ZNF532: variants seen among roughly 807,000 people sequenced by gnomAD.
The protein encoded by ZNF532 is zinc finger protein 532.
Under a neutral mutation model 89.3 loss-of-function variants are expected in ZNF532, and 22 were observed. The ratio of observed to expected loss-of-function variants is 0.25; its 90% CI spans 0.18 to 0.35. The LOEUF is 0.35. Ranked by LOEUF, ZNF532 falls within the 10% of genes least tolerant of loss-of-function variation. The probability of loss-of-function intolerance (pLI) is 1.00; values close to 1 mark genes in which losing one functional copy is unlikely to be tolerated. For missense variants in ZNF532, 1,132 were observed against 1,643.4 expected (o/e 0.69, Z 5.38); for synonymous variants, 606 against 649.6 (o/e 0.93, Z 1.02).
intron 2 of ZNF532, among the ~76,000 whole-genome samples, chr18:58,888,868 A>AAT (rs1205971092): frequency 1.0e-3 from 43 of 42,228 alleles, no homozygotes; most frequent in African/African-American, 4.8e-3. Context: ...ATATATATAT[A>AAT]ATATATATTA....
chr18:58,906,897 A>G (rs1447211922), intron 2 of ZNF532, among the ~76,000 whole-genome samples: 10 of 152,236 alleles, frequency 6.6e-5, no homozygotes, highest in Non-Finnish European at 1.0e-4. Context: ...TACAGCATCC[A>G]GGAACTTTAC....
At chr18:58,897,528 C>T (rs1028578825) in intron 2 of ZNF532, among the ~76,000 whole-genome samples, 11 of 152,142 alleles carry the variant, frequency 7.2e-5, no homozygotes, top group African/African-American at 2.7e-4. Flanking sequence ...CTAAATGCAA[C>T]AACAACCTTA....
intron 2 of ZNF532, among the ~76,000 whole-genome samples, chr18:58,904,433 T>C (rs747924441): frequency 6.6e-6 from 1 of 152,092 alleles, no homozygotes; most frequent in Non-Finnish European, 1.5e-5. Flanking sequence ...AAAAGCTAAA[T>C]GTACACCTGG....
At chr18:58,906,593 G>T (rs1427250206) in intron 2 of ZNF532, among the ~76,000 whole-genome samples, 1 of 152,168 alleles carries the variant, frequency 6.6e-6, no homozygotes, top group East Asian at 1.9e-4. Context: ...CGGGCAGGTT[G>T]TCTTCCTCAC....
intron 7 of ZNF532, among the ~76,000 whole-genome samples, chr18:58,956,028 A>G (rs1277481945): frequency 6.6e-6 from 1 of 152,216 alleles, no homozygotes; most frequent in Non-Finnish European, 1.5e-5. Context: ...TTCTGTAACT[A>G]TCTTGTAACA....
chr18:58,938,046 A>AATGC (rs1459809495), intron 4 of ZNF532, among the ~76,000 whole-genome samples: 1 of 152,224 alleles, frequency 6.6e-6, no homozygotes, highest in African/African-American at 2.4e-5. Context: ...GCTTAAATAG[A>AATGC]ATGCATACAA....
chr18:58,931,780 A>T (rs1227785021), intron 3 of ZNF532: 1 of 151,978 alleles, frequency 6.6e-6, no homozygotes. Context: ...GTACAAAAAA[A>T]AAAAAGAACA....
chr18:58,950,125 GAA>G (rs376252254), intron 6 of ZNF532, among the ~76,000 whole-genome samples: 2 of 152,172 alleles, frequency 1.3e-5, no homozygotes, highest in African/African-American at 4.8e-5. Flanking sequence ...CAACAACAAA[GAA>G]AAGAACAGTT....
intron 3 of ZNF532, among the ~76,000 whole-genome samples, chr18:58,922,185 C>A (rs1215683731): frequency 1.3e-5 from 2 of 152,030 alleles, no homozygotes. Flanking sequence ...CCTCAAACAT[C>A]TCTATAAAGA....
Position 58,984,576 on chromosome 18 carries a change from A to G in ZNF532, c.*110A>G, listed in dbSNP as rs1480691199. On this transcript the variant is annotated 3_prime_UTR_variant, in exon 10 of 10. Transcript: ENST00000591808. ...TAACAGTACTGTCTAGGCTGTTGCA[A>G]TATATTCTCTTTCAATGTACCTTCC... is the stretch of plus-strand genomic sequence containing the variant. 8.2e-6 allele frequency: 11 copies of G among 1,335,458 alleles called. No individual in the cohort carries two copies. The highest frequency in any genetic ancestry group is 5.0e-5 in the East Asian group (2 of 39,796). The allele number at this position is 1,335,458 out of a possible 1,614,324, so 82.7% of individuals were successfully genotyped here.
At chr18:58,946,834 G>A (rs549730214) in intron 5 of ZNF532, among the ~76,000 whole-genome samples, 2 of 152,126 alleles carry the variant, frequency 1.3e-5, no homozygotes, top group African/African-American at 4.8e-5. Flanking sequence ...GGCCAATCCA[G>A]TTAAACTTAT....
At chr18:58,904,736 T>C (rs1488262031) in intron 2 of ZNF532, among the ~76,000 whole-genome samples, 4 of 152,174 alleles carry the variant, frequency 2.6e-5, no homozygotes, top group African/African-American at 9.7e-5. Flanking sequence ...ATTTATCATC[T>C]CCGGCCACAG....
chr18:58,947,781 C>T (rs1277591645), intron 5 of ZNF532, among the ~76,000 whole-genome samples: 2 of 151,944 alleles, frequency 1.3e-5, no homozygotes, highest in African/African-American at 4.8e-5. Context: ...AGACTTTGTA[C>T]AAACATGTGC....
At chr18:58,910,926 T>C (rs1292736563) in intron 2 of ZNF532, among the ~76,000 whole-genome samples, 8 of 151,908 alleles carry the variant, frequency 5.3e-5, no homozygotes, top group Admixed American at 5.3e-4. Context: ...TTGCCTAAGC[T>C]AGATTGCAGT....
chr18:58,888,700 TATATATATATATATATATATATATAAA>T (rs1326952591), intron 2 of ZNF532, among the ~76,000 whole-genome samples: 6 of 41,396 alleles, frequency 1.4e-4, no homozygotes, highest in African/African-American at 8.4e-4. Flanking sequence ...AAAAAAATTA[TATATATATATATATATATATATATAAA>T]TTATATATAT....
At chr18:58,950,340 A>ATGC (rs1172005603) in intron 6 of ZNF532, among the ~76,000 whole-genome samples, 2 of 152,238 alleles carry the variant, frequency 1.3e-5, no homozygotes, top group African/African-American at 4.8e-5. Flanking sequence ...ATCTTAACCT[A>ATGC]TGCAAGACTA....
At chr18:58,893,656 C>CAA (rs11389338) in intron 2 of ZNF532, among the ~76,000 whole-genome samples, 1,746 of 118,048 alleles carry the variant, frequency 0.015, 19 homozygotes, top group African/African-American at 0.028. Context: ...GACTCTGTCT[C>CAA]AAAAAAAAAA....
chr18:58,951,650 T>TTTTTTTTTGG (rs2064186479), intron 6 of ZNF532, among the ~76,000 whole-genome samples: 1 of 139,048 alleles, frequency 7.2e-6, no homozygotes, highest in Non-Finnish European at 1.5e-5. Context: ...CCTGTTGTTT[T>TTTTTTTTTGG]TTTTTTTTTT....
intron 3 of ZNF532, among the ~76,000 whole-genome samples, chr18:58,931,065 G>C (rs1445491962): frequency 6.6e-6 from 1 of 152,126 alleles, no homozygotes; most frequent in East Asian, 1.9e-4. Flanking sequence ...GTTTAACCGA[G>C]CAAATAAGGC....
Sources: gnomAD v4.1 joint callset for allele counts (sites outside exome capture counted in the v4.1 genomes callset) on GRCh38, gnomAD v4.1.1 for gene constraint, MANE v1.5 for transcripts, NCBI Gene and HGNC (gene_info 2026-07-23, HGNC 2026-07-21) for gene names.